Variants in ZBTB25 observed in about 807,000 individuals in gnomAD.
ZBTB25 encodes zinc finger and BTB domain containing 25.
In ZBTB25, 20 loss-of-function variants were observed where a neutral mutation model predicts 34.2. The observed-to-expected ratio is 0.58, with a 90% CI of 0.41 to 0.85. The LOEUF (loss-of-function observed/expected upper bound fraction) is 0.85. Among genes scored for constraint, ZBTB25 ranks in the 40% least tolerant of loss-of-function variants. The pLI is 0.00. For missense variants in ZBTB25, 437 were observed against 521.8 expected, an observed-to-expected ratio of 0.84 and a Z score of 1.58; for synonymous variants, 175 against 186.4, an observed-to-expected ratio of 0.94 and a Z score of 0.50.
downstream of ZBTB25, among the ~76,000 whole-genome samples, chr14:64,476,784 T>G (rs570973608): frequency 2.6e-5 from 4 of 152,314 alleles, no homozygotes; most frequent in African/African-American, 9.6e-5. Flanking sequence ...AAATGTTCCC[T>G]AAATAGCCTT....
chr14:64,490,786 G>A (rs1020697673), intron 1 of ZBTB25, among the ~76,000 whole-genome samples: 1 of 152,090 alleles, frequency 6.6e-6, no homozygotes, highest in African/African-American at 2.4e-5. Context: ...TTTTCATCTG[G>A]TAAGAAGATA....
At chr14:64,490,669 T>G (rs2079047433) in intron 1 of ZBTB25, 129 bp from the exon 2 acceptor site, 4 of 859,640 alleles carry the variant, frequency 4.7e-6, no homozygotes, top group East Asian at 2.9e-5. Context: ...TTAAATGAAA[T>G]TATTCAAGTT....
chr14:64,477,572 C>T (rs2078731219), downstream of ZBTB25, among the ~76,000 whole-genome samples: 1 of 152,200 alleles, frequency 6.6e-6, no homozygotes, highest in South Asian at 2.1e-4. Context: ...AATCTTTGAT[C>T]TGCATTTTAA....
Position 64,453,702 on chromosome 14 carries a change from T to C in ZBTB25, c.174-4064A>G, listed in dbSNP as rs1016173270. ...AGAATGTGGCTATGTCCTGGTTAAA[T>C]GTCCTCACATGTGTCCAGTCATGGT... is the stretch of plus-strand genomic sequence containing the variant. On this transcript the variant is annotated intron_variant, in intron 2 of 2. Transcript: ENST00000555220. 2.7e-6 allele frequency: 3 copies of C among 1,093,716 alleles called. No homozygotes were observed. The African/African-American group carries it at 4.7e-5, about 17-fold the overall frequency. 67.8% of individuals were successfully genotyped at this position (1,093,716 alleles called of 1,614,324 possible).
At chr14:64,500,454 CAAA>C (rs374975040) in intron 1 of ZBTB25, among the ~76,000 whole-genome samples, 48 of 52,074 alleles carry the variant, frequency 9.2e-4, no homozygotes, top group African/African-American at 2.0e-3. Context: ...CCCAATAAAG[CAAA>C]AAAAAAAAAA....
At chr14:64,505,101 C>T (rs1321560032), upstream of ZBTB25, 3 of 351,992 alleles carry the variant, frequency 8.5e-6, no homozygotes, top group Non-Finnish European at 1.0e-5. Flanking sequence ...CGGTGACGGG[C>T]GGCTGCCAGG....
At chr14:64,502,875 A>G in intron 1 of ZBTB25, 1 of 984,946 alleles carries the variant, frequency 1.0e-6, no homozygotes. Context: ...TCTAAAATTT[A>G]AGATTCCAAA....
intron 2 of ZBTB25, among the ~76,000 whole-genome samples, chr14:64,451,508 A>C (rs2078372618): frequency 6.6e-6 from 1 of 152,222 alleles, no homozygotes; most frequent in South Asian, 2.1e-4. Context: ...TTTATAGGCA[A>C]GTTTTAAAAT....
rs761618178 is a variant in ZBTB25 at position 64,487,222 on chromosome 14, A to G, written c.1009T>C (p.Leu337=). Reference sequence around the variant, plus strand: ...CTTGAAAAAGAAAAATTACAGTTTAATTCTACTGGCTCTGTGTCTTTGGAG... The same window carrying G: ...CTTGAAAAAGAAAAATTACAGTTTAGTTCTACTGGCTCTGTGTCTTTGGAG... ...LISKDTEPVE[L]NCNFSFSRKR... is the part of the protein sequence containing the mutation. Residue 337 remains leucine (L), a synonymous_variant, in exon 3 of 3, where the codon TTA becomes CTA. Coordinates refer to ENST00000608382, the MANE Select transcript of ZBTB25 (RefSeq NM_006977.5). The G allele has an allele frequency of 1.2e-5, 19 of 1,614,038 alleles. 1 individual carries two copies. The African/African-American group carries it at 2.5e-4, about 22-fold the overall frequency.
At chr14:64,460,067 T>C in intron 2 of ZBTB25, 2 of 726,610 alleles carry the variant, frequency 2.8e-6, no homozygotes, top group South Asian at 1.9e-5. Flanking sequence ...CTGCCATCCT[T>C]TGTGAGCTCA....
At chr14:64,454,969 G>A (rs771737750) in intron 2 of ZBTB25, 1 of 1,311,014 alleles carries the variant, frequency 7.6e-7, no homozygotes, top group South Asian at 1.2e-5. Context: ...AGTGAGCAGA[G>A]TTCACTGCCC....
chr14:64,472,841 TAA>T (rs2078688690), intron 2 of ZBTB25: 1 of 167,076 alleles, frequency 6.0e-6, no homozygotes, highest in Admixed American at 6.5e-5. Context: ...TGAATATAAA[TAA>T]GTTCTGTTTC....
chr14:64,489,567 G>A (rs1400730381), intron 2 of ZBTB25, among the ~76,000 whole-genome samples: 2 of 145,346 alleles, frequency 1.4e-5, no homozygotes, highest in African/African-American at 5.0e-5. Context: ...ACAGAGTCTC[G>A]CTCTGTCACC....
intron 1 of ZBTB25, among the ~76,000 whole-genome samples, chr14:64,494,725 A>G (rs1267529135): frequency 6.6e-6 from 1 of 152,244 alleles, no homozygotes; most frequent in South Asian, 2.1e-4. Context: ...GCAGATCAGA[A>G]GACCCAAACA....
intron 2 of ZBTB25, among the ~76,000 whole-genome samples, chr14:64,465,086 C>A (rs904187032): frequency 5.3e-5 from 8 of 152,204 alleles, no homozygotes; most frequent in African/African-American, 1.9e-4. Context: ...TTTTAAAATG[C>A]GATGTCTGCC....
At chr14:64,476,260 G>A (rs1344681936), downstream of ZBTB25, among the ~76,000 whole-genome samples, 1 of 152,198 alleles carries the variant, frequency 6.6e-6, no homozygotes, top group Non-Finnish European at 1.5e-5. Flanking sequence ...CATATGGAAT[G>A]GCCATTTGCA....
chr14:64,469,721 G>A, intron 2 of ZBTB25: 8 of 1,032,446 alleles, frequency 7.7e-6, no homozygotes, highest in Non-Finnish European at 1.1e-5. Context: ...GCTTAATGAA[G>A]AATTCTTTTA....
At chr14:64,499,501 G>C (rs959618986) in intron 1 of ZBTB25, 1 of 152,230 alleles carries the variant, frequency 6.6e-6, no homozygotes, top group Non-Finnish European at 1.5e-5. Context: ...AGGAGGCAGA[G>C]GTTGTGGTGA....
chr14:64,484,142 C>T lies in ZBTB25; in HGVS notation c.*2781G>A, dbSNP rs1208791632. Reference sequence around the variant, plus strand: ...TTAAGGAACAAGGAAAGAGCATTTGCTTTGAATTTCTAATATTAAAAGGAA... The same window carrying T: ...TTAAGGAACAAGGAAAGAGCATTTGTTTTGAATTTCTAATATTAAAAGGAA... On this transcript the variant is annotated 3_prime_UTR_variant, in exon 3 of 3. Coordinates refer to ENST00000608382, the MANE Select transcript of ZBTB25 (RefSeq NM_006977.5). The T allele has an allele frequency of 2.0e-5, 3 of 152,032 alleles. No homozygotes were observed. Among genetic ancestry groups the T allele is most frequent in the Non-Finnish European group, 4.4e-5 (3 of 68,010 alleles). The allele number at this position is 152,032 out of a possible 1,614,324, so 9.4% of individuals were successfully genotyped here.
Sources: gnomAD v4.1 joint callset for allele counts (sites outside exome capture counted in the v4.1 genomes callset) on GRCh38, gnomAD v4.1.1 for gene constraint, MANE v1.5 for transcripts, NCBI Gene and HGNC (gene_info 2026-07-23, HGNC 2026-07-21) for gene names.